The following MECOM variants were observed in gnomAD, a reference collection of about 807,000 sequenced individuals.
MECOM encodes the protein histone-lysine N-methyltransferase MECOM.
MECOM carries 13 observed loss-of-function variants against 116.3 expected under a neutral mutation model. The ratio of observed to expected loss-of-function variants is 0.11; its 90% CI spans 0.07 to 0.18. The LOEUF (loss-of-function observed/expected upper bound fraction) is 0.18. Ranked by LOEUF, MECOM falls within the 10% of genes least tolerant of loss-of-function variation. MECOM has a pLI of 1.00. For missense variants in MECOM, 1,299 were observed against 1,509.0 expected (o/e 0.86, Z 2.31); for synonymous variants, 528 against 535.2 (o/e 0.99, Z 0.19).
intron 1 of MECOM, chr3:169,483,704 G>T: frequency 2.5e-6 from 4 of 1,584,526 alleles, no homozygotes; most frequent in Non-Finnish European, 3.5e-6. Flanking sequence ...CTTCGTCCTG[G>T]TTAATCTGGA....
At chr3:169,658,126 G>A (rs1387523786) in intron 1 of MECOM, among the ~76,000 whole-genome samples, 4 of 152,176 alleles carry the variant, frequency 2.6e-5, no homozygotes, top group African/African-American at 9.7e-5. Flanking sequence ...AGAAGACCGT[G>A]GCTAGTGGAG....
At chr3:169,490,138 C>T (rs1485499718) in intron 1 of MECOM, among the ~76,000 whole-genome samples, 1 of 152,094 alleles carries the variant, frequency 6.6e-6, no homozygotes, top group Non-Finnish European at 1.5e-5. Flanking sequence ...TCAAATGAGA[C>T]TTTGCATGCG....
At chr3:169,518,268 A>G (rs935372563) in intron 1 of MECOM, among the ~76,000 whole-genome samples, 1 of 151,990 alleles carries the variant, frequency 6.6e-6, no homozygotes, top group African/African-American at 2.4e-5. Context: ...CAAAAAAAAA[A>G]AGAAAAGAAA....
intron 1 of MECOM, among the ~76,000 whole-genome samples, chr3:169,466,222 G>A (rs1002753899): frequency 2.6e-5 from 4 of 152,124 alleles, no homozygotes; most frequent in Admixed American, 6.5e-5. Context: ...TATGCCAAAT[G>A]GACTTCAGCT....
chr3:169,322,997 T>TAAAAAAAAAAAAAAAAAAAAAAAAAAAAA (rs748984561), intron 2 of MECOM, among the ~76,000 whole-genome samples: 1 of 56,024 alleles, frequency 1.8e-5, no homozygotes, highest in Admixed American at 2.0e-4. Flanking sequence ...AAGACTCCGG[T>TAAAAAAAAAAAAAAAAAAAAAAAAAAAAA]AAAAAAAAAA....
chr3:169,630,483 A>T (rs1444971162), intron 1 of MECOM, among the ~76,000 whole-genome samples: 7 of 148,386 alleles, frequency 4.7e-5, no homozygotes, highest in South Asian at 4.3e-4. Flanking sequence ...ACAGAGTCAC[A>T]CTCTTGTTCC....
intron 1 of MECOM, among the ~76,000 whole-genome samples, chr3:169,507,647 T>C (rs886579186): frequency 7.3e-6 from 1 of 136,460 alleles, no homozygotes; most frequent in Non-Finnish European, 1.5e-5. Context: ...AAATCCCCAC[T>C]TGCTTTTTTT....
chr3:169,108,540 G>A (rs1726208297), intron 9 of MECOM, among the ~76,000 whole-genome samples: 3 of 152,070 alleles, frequency 2.0e-5, no homozygotes, highest in Admixed American at 2.0e-4. Flanking sequence ...AGAGTCACTG[G>A]GAAAACCTTC....
intron 1 of MECOM, among the ~76,000 whole-genome samples, chr3:169,537,998 A>T (rs577834067): frequency 7.2e-5 from 11 of 152,216 alleles, no homozygotes; most frequent in South Asian, 4.1e-4. Context: ...GGGATTTTTT[A>T]AAAAAATAAT....
chr3:169,603,283 A>G (rs1212477958), intron 1 of MECOM, among the ~76,000 whole-genome samples: 1 of 152,214 alleles, frequency 6.6e-6, no homozygotes, highest in Non-Finnish European at 1.5e-5. Flanking sequence ...AATTTTTTAA[A>G]TAGACAAAAG....
At chr3:169,199,056 A>G (rs948269486) in intron 2 of MECOM, among the ~76,000 whole-genome samples, 6 of 152,066 alleles carry the variant, frequency 3.9e-5, no homozygotes, top group Non-Finnish European at 5.9e-5. Flanking sequence ...TGTGTCCCCA[A>G]TGTCACCTCT....
intron 2 of MECOM, among the ~76,000 whole-genome samples, chr3:169,288,657 G>C (rs1391659677): frequency 6.6e-6 from 1 of 152,082 alleles, no homozygotes; most frequent in African/African-American, 2.4e-5. Context: ...ATGGGGTTTT[G>C]TTGTTGTCTC....
rs1206063611 is a variant in MECOM at position 169,084,289 on chromosome 3, A to G, written c.*620T>C. The G allele has an allele frequency of 1.3e-5, 3 of 230,864 alleles. No homozygotes were observed. Among genetic ancestry groups the G allele is most frequent in the Non-Finnish European group, 2.6e-5 (3 of 116,646 alleles). The allele number at this position is 230,864 out of a possible 1,614,324, so 14.3% of individuals were successfully genotyped here. On this transcript the variant is annotated 3_prime_UTR_variant, in exon 17 of 17. Coordinates refer to ENST00000651503, the MANE Select transcript of MECOM (RefSeq NM_004991.4). ...AACCTCTTTGAGTGTTAACATCCAT[A>G]GTTTACAATATACACATACCCTTTT...
chr3:169,134,730 A>G (rs188871185), intron 3 of MECOM, among the ~76,000 whole-genome samples: 54 of 152,324 alleles, frequency 3.5e-4, no homozygotes, highest in Middle Eastern at 3.4e-3. Context: ...ATGGCCCAAA[A>G]GTATAATTTG....
chr3:169,277,405 ATTC>A (rs1264570935), intron 2 of MECOM, among the ~76,000 whole-genome samples: 3 of 152,190 alleles, frequency 2.0e-5, no homozygotes, highest in African/African-American at 7.2e-5. Flanking sequence ...TCAGGTTCTA[ATTC>A]TTCTGTTTCT....
intron 1 of MECOM, among the ~76,000 whole-genome samples, chr3:169,531,864 A>C (rs1476505386): frequency 6.6e-6 from 1 of 152,234 alleles, no homozygotes. Flanking sequence ...AATTGGGAGC[A>C]GATTTGGAGC....
chr3:169,401,628 C>G (rs11924290), intron 1 of MECOM, among the ~76,000 whole-genome samples: 9,235 of 152,026 alleles, frequency 0.061, 626 homozygotes, highest in African/African-American at 0.16. Context: ...GGAAGGCTGT[C>G]AAGAAGTGGC....
At chr3:169,271,041 C>T (rs371136808) in intron 2 of MECOM, among the ~76,000 whole-genome samples, 8 of 152,308 alleles carry the variant, frequency 5.3e-5, no homozygotes, top group African/African-American at 1.9e-4. Flanking sequence ...GCACTTCACT[C>T]CACGTAGACA....
At chr3:169,592,843 A>G (rs1766597111) in intron 1 of MECOM, among the ~76,000 whole-genome samples, 1 of 152,224 alleles carries the variant, frequency 6.6e-6, no homozygotes, top group Non-Finnish European at 1.5e-5. Context: ...ATACACATAT[A>G]CACATGGATA....
Sources: gnomAD v4.1 joint callset for allele counts (sites outside exome capture counted in the v4.1 genomes callset) on GRCh38, gnomAD v4.1.1 for gene constraint, MANE v1.5 for transcripts, NCBI Gene and HGNC (gene_info 2026-07-23, HGNC 2026-07-21) for gene names.